The following RBFOX1 variants were observed in gnomAD, a reference collection of about 807,000 sequenced individuals.
RBFOX1 encodes RNA binding protein fox-1 homolog 1.
RBFOX1 carries 8 observed loss-of-function variants against 57.7 expected under a neutral mutation model. That is an observed-to-expected ratio of 0.14 (90% CI 0.08 to 0.25). The LOEUF is 0.25. RBFOX1 is among the 10% of genes least tolerant of loss of function. The pLI is 1.00. For missense variants in RBFOX1, 611 were observed against 548.5 expected (o/e 1.11, Z -1.14); for synonymous variants, 326 against 222.4 (o/e 1.47, Z -4.15).
At chr16:7,695,092 A>G (rs1343737283) in intron 14 of RBFOX1, among the ~76,000 whole-genome samples, 1 of 152,240 alleles carries the variant, frequency 6.6e-6, no homozygotes, top group African/African-American at 2.4e-5. Context: ...TACCTAATCT[A>G]GATGGCTGCT....
intron 2 of RBFOX1, among the ~76,000 whole-genome samples, chr16:6,343,969 T>G (rs1324497215): frequency 6.6e-6 from 1 of 152,218 alleles, no homozygotes; most frequent in African/African-American, 2.4e-5. Flanking sequence ...GAGCACAGTC[T>G]AATTCTAATC....
chr16:5,844,046 G>A (rs2056690768), intron 3 of RBFOX1, among the ~76,000 whole-genome samples: 1 of 152,204 alleles, frequency 6.6e-6, no homozygotes, highest in Admixed American at 6.5e-5. Context: ...AAGCAATATG[G>A]AACCCAATTC....
intron 1 of RBFOX1, among the ~76,000 whole-genome samples, chr16:6,133,162 A>T (rs565358341): frequency 9.9e-5 from 15 of 152,070 alleles, no homozygotes; most frequent in Admixed American, 4.6e-4. Context: ...CTGGGGCTCA[A>T]TTCTCTTGGG....
intron 2 of RBFOX1, among the ~76,000 whole-genome samples, chr16:6,365,655 A>T (rs759925415): frequency 6.6e-6 from 1 of 152,174 alleles, no homozygotes; most frequent in Non-Finnish European, 1.5e-5. Context: ...TCTTCTAGGC[A>T]TGTTTTGAAG....
chr16:7,136,720 T>G lies in RBFOX1; in HGVS notation c.27+84622T>G, dbSNP rs78416055. Among the ~76,000 whole-genome samples, 4 of 152,058 alleles carry G rather than the reference T, an allele frequency of 2.6e-5. No individual in the cohort carries two copies. The East Asian group carries it at 7.7e-4, about 29-fold the overall frequency. ...GTGTGAGTCACTTCACCTGGCCCCA[T>G]CTAGGGAAAATTATCGGATAGTGCT... is the stretch of plus-strand genomic sequence containing the variant. On this transcript the variant is annotated intron_variant, in intron 4 of 15. Coordinates refer to ENST00000550418, the MANE Select transcript of RBFOX1 (RefSeq NM_018723.4).
intron 2 of RBFOX1, among the ~76,000 whole-genome samples, chr16:5,553,914 A>G (rs540191657): frequency 5.2e-4 from 79 of 151,756 alleles, no homozygotes; most frequent in Admixed American, 9.2e-4. Flanking sequence ...TGTCTGGACG[A>G]TTGGCAAACA....
intron 4 of RBFOX1, among the ~76,000 whole-genome samples, chr16:5,975,351 T>G (rs2060040665): frequency 6.6e-6 from 1 of 152,204 alleles, no homozygotes; most frequent in Admixed American, 6.5e-5. Flanking sequence ...ATTAGAGCAA[T>G]AGCTGCTTCT....
chr16:7,082,681 C>T (rs148778758), intron 4 of RBFOX1, among the ~76,000 whole-genome samples: 1,632 of 152,268 alleles, frequency 0.011, 15 homozygotes, highest in Non-Finnish European at 0.016. Flanking sequence ...TGAAGGCTTG[C>T]AGACTTTCTT....
chr16:7,194,973 A>T (rs1375199926), intron 4 of RBFOX1, among the ~76,000 whole-genome samples: 1 of 151,820 alleles, frequency 6.6e-6, no homozygotes, highest in Non-Finnish European at 1.5e-5. Context: ...GCTGAATAAC[A>T]CCTTTCAATA....
At chr16:6,382,533 TGAG>T (rs1408897076) in intron 2 of RBFOX1, among the ~76,000 whole-genome samples, 1 of 152,158 alleles carries the variant, frequency 6.6e-6, no homozygotes, top group South Asian at 2.1e-4. Context: ...ATCTGTGTGA[TGAG>T]GAGAAGCCTA....
At chr16:7,557,225 G>C (rs369974463) in intron 5 of RBFOX1, among the ~76,000 whole-genome samples, 1 of 152,090 alleles carries the variant, frequency 6.6e-6, no homozygotes, top group African/African-American at 2.4e-5. Context: ...TCCTATAGCT[G>C]AGGGCTTCAT....
chr16:7,420,654 C>T (rs756733591), intron 4 of RBFOX1, among the ~76,000 whole-genome samples: 8 of 151,248 alleles, frequency 5.3e-5, no homozygotes, highest in Non-Finnish European at 1.0e-4. Context: ...TTCATGCTGC[C>T]AGGTTGAATG....
Position 7,649,355 on chromosome 16 carries a change from T to C in RBFOX1, c.758-4460T>C, listed in dbSNP as rs187950009. Among the ~76,000 whole-genome samples, 191 of 152,102 alleles carry C rather than the reference T, an allele frequency of 1.3e-3. 1 individual carries two copies. Among genetic ancestry groups the C allele is most frequent in the African/African-American group, 3.9e-3 (164 of 41,564 alleles). The stretch of plus-strand genomic sequence containing the variant: ...TAGGAATGCTTCTGTTCACAAGATA[T>C]TGGGATATCAGGACACTCCTAAAGT... On this transcript the variant is annotated intron_variant, in intron 11 of 15. Transcript: ENST00000550418.
intron 2 of RBFOX1, among the ~76,000 whole-genome samples, 178 bp downstream of exon 2, chr16:6,317,235 A>G: frequency 6.6e-6 from 1 of 152,264 alleles, no homozygotes. Context: ...GCAAGGTAGA[A>G]CCACCCTCCT....
chr16:7,504,730 TATATATATATA>T (rs2072303091), intron 4 of RBFOX1, among the ~76,000 whole-genome samples: 3 of 12,556 alleles, frequency 2.4e-4, no homozygotes, highest in Admixed American at 1.2e-3. Flanking sequence ...TATATATATA[TATATATATATA>T]TATATATATA....
At chr16:5,613,112 C>A (rs1019970237) in intron 3 of RBFOX1, among the ~76,000 whole-genome samples, 1 of 152,110 alleles carries the variant, frequency 6.6e-6, no homozygotes, top group African/African-American at 2.4e-5. Context: ...TGTGAAGATT[C>A]CTCAGGTTTC....
At chr16:6,437,697 C>G (rs752907382) in intron 2 of RBFOX1, among the ~76,000 whole-genome samples, 36 of 152,156 alleles carry the variant, frequency 2.4e-4, no homozygotes, top group Non-Finnish European at 3.8e-4. Context: ...AGGAAACTTA[C>G]AATCATGGTG....
chr16:7,560,354 T>G (rs2090022892), intron 5 of RBFOX1, among the ~76,000 whole-genome samples: 1 of 152,120 alleles, frequency 6.6e-6, no homozygotes, highest in South Asian at 2.1e-4. Flanking sequence ...TTCAGTTTAT[T>G]CAGCTGCAAA....
intron 3 of RBFOX1, among the ~76,000 whole-genome samples, chr16:7,030,946 A>T (rs2042633983): frequency 6.6e-6 from 1 of 152,200 alleles, no homozygotes; most frequent in Non-Finnish European, 1.5e-5. Flanking sequence ...TTTATCTTGG[A>T]AATAAAATGA....
Sources: gnomAD v4.1 joint callset for allele counts (sites outside exome capture counted in the v4.1 genomes callset) on GRCh38, gnomAD v4.1.1 for gene constraint, MANE v1.5 for transcripts, NCBI Gene and HGNC (gene_info 2026-07-23, HGNC 2026-07-21) for gene names.